The following SLC25A53 variants were observed in gnomAD, a reference collection of about 807,000 sequenced individuals.
The protein encoded by SLC25A53 is solute carrier family 25 member 53.
In SLC25A53, 5 loss-of-function variants were observed where a neutral mutation model predicts 15.0. The observed-to-expected ratio is 0.33, with a 90% CI of 0.17 to 0.70. SLC25A53 has a LOEUF of 0.70. Ranked by LOEUF, SLC25A53 falls within the 30% of genes least tolerant of loss-of-function variation. SLC25A53 has a pLI of 0.67. For synonymous variants in SLC25A53, 95 were observed against 100.0 expected, an observed-to-expected ratio of 0.95 and a Z score of 0.30; for missense variants, 216 against 241.6, an observed-to-expected ratio of 0.89 and a Z score of 0.70.
chrX:104,105,323 C>A, intron 1 of SLC25A53, 35 bp from the exon 2 acceptor site: 1 of 949,913 alleles, frequency 1.1e-6, no homozygotes, highest in Non-Finnish European at 1.4e-6. Context: ...TTAGACTGAC[C>A]AATTAATTCT....
chrX:104,104,210 A>G lies in SLC25A53; in HGVS notation c.*124T>C. On this transcript the variant is annotated 3_prime_UTR_variant, in exon 2 of 2. Coordinates refer to ENST00000594199, the MANE Select transcript of SLC25A53 (RefSeq NM_001012755.5). ...AGGTTGGTAGTTGGGAACTTCTCCC[A>G]TGCAATGAGTTTATAGATGCTAAAG... The G allele has an allele frequency of 1.7e-6, 1 of 601,567 alleles. No homozygotes were observed. Among genetic ancestry groups the G allele is most frequent in the Non-Finnish European group, 2.6e-6 (1 of 386,875 alleles). The allele number at this position is 601,567 out of a possible 1,213,427, so 49.6% of individuals were successfully genotyped here.
chrX:104,110,727 G>A (rs1228301975), intron 1 of SLC25A53, among the ~76,000 whole-genome samples: 2 of 112,176 alleles, frequency 1.8e-5, no homozygotes, highest in African/African-American at 6.5e-5. Flanking sequence ...TTTCCATGGA[G>A]TTGCTCCTTC....
intron 1 of SLC25A53, among the ~76,000 whole-genome samples, chrX:104,153,813 T>C (rs1452545463): frequency 8.9e-6 from 1 of 111,852 alleles, no homozygotes; most frequent in Admixed American, 9.5e-5. Flanking sequence ...TGCTCGACCA[T>C]CCAAAACATA....
At chrX:104,114,412 C>T in intron 1 of SLC25A53, 2 of 1,212,056 alleles carry the variant, frequency 1.7e-6, no homozygotes, top group Non-Finnish European at 2.2e-6. Context: ...CATGCGTTTG[C>T]TTCAGGCGGC....
At chrX:104,134,008 G>A (rs781893375) in intron 1 of SLC25A53, among the ~76,000 whole-genome samples, 4 of 111,631 alleles carry the variant, frequency 3.6e-5, no homozygotes, top group Admixed American at 2.9e-4. Flanking sequence ...TCAACCAATC[G>A]AATCAACTGT....
At chrX:104,150,912 T>C (rs782444953) in intron 1 of SLC25A53, among the ~76,000 whole-genome samples, 3 of 111,558 alleles carry the variant, frequency 2.7e-5, no homozygotes, top group Non-Finnish European at 5.6e-5. Flanking sequence ...CTGGTGGTCT[T>C]GGGCTAGAGG....
In SLC25A53 at chrX:104,104,912, G is replaced by T; in HGVS notation, c.346C>A (p.His116Asn). The change falls in exon 2 of 2, where the codon CAC (histidine) becomes AAC (asparagine). Residue 116 changes from histidine to asparagine, a missense_variant. His to Asn is a moderately conservative substitution (Grantham distance 68). Transcript: ENST00000594199. ...LSPVGPHTLG[H>N]RWAAGLMSGV... ...GACATGAGCCCGGCAGCCCAGCGGT[G>T]TCCCAGGGTGTGTGGCCCAACAGGA... 1 of 1,211,792 alleles carries T rather than the reference G, an allele frequency of 8.3e-7. No individual in the cohort carries two copies. The highest frequency in any genetic ancestry group is 1.1e-6 in the Non-Finnish European group (1 of 895,556).
rs2075274262 is a variant in SLC25A53, at chrX:104,100,099, T to C, written c.*4235A>G. The C allele has an allele frequency of 8.9e-6, 1 of 112,117 alleles. No homozygotes were observed. The highest frequency in any genetic ancestry group is 1.9e-5 in the Non-Finnish European group (1 of 53,256). The allele number at this position is 112,117 out of a possible 1,213,427, so 9.2% of individuals were successfully genotyped here. On this transcript the variant is annotated 3_prime_UTR_variant, in exon 2 of 2. Transcript: ENST00000594199. ...CGTCATTTTATTAACTTTAATATAC[T>C]ACACTATATATAGTTATCCCAGTAA... is the stretch of plus-strand genomic sequence containing the variant.
intron 1 of SLC25A53, among the ~76,000 whole-genome samples, chrX:104,146,182 C>T (rs1416896999): frequency 8.9e-6 from 1 of 112,113 alleles, no homozygotes; most frequent in Non-Finnish European, 1.9e-5. Context: ...TAACCCATCA[C>T]ATGAACAGAA....
intron 1 of SLC25A53, among the ~76,000 whole-genome samples, chrX:104,123,868 C>G (rs1556363613): frequency 9.0e-6 from 1 of 110,885 alleles, no homozygotes; most frequent in East Asian, 2.8e-4. Context: ...CAGCTTCATC[C>G]ATGTCCCTGC....
chrX:104,148,209 T>C (rs1556369554), intron 1 of SLC25A53, among the ~76,000 whole-genome samples: 1 of 106,070 alleles, frequency 9.4e-6, no homozygotes, highest in Non-Finnish European at 1.9e-5. Context: ...GGACAAAAAA[T>C]CAAACACCGC....
In SLC25A53 at chrX:104,104,414, C is replaced by T. The variant is rs782091366; in HGVS notation, c.844G>A (p.Val282Met). ...ATTGCCGTAGTGAGGCCCCATGTCACACTGGACCTTAGGATGACTAGGGAG... is the reference window on the plus strand; with the variant it reads ...ATTGCCGTAGTGAGGCCCCATGTCATACTGGACCTTAGGATGACTAGGGAG... The part of the protein sequence containing the change: ...GGSLVILRSS[V>M]TWGLTTAIHD... The change falls in exon 2 of 2, where the codon GTG becomes ATG. Residue 282 changes from valine (V) to methionine (M), a missense_variant. By Grantham distance (21) the Val-to-Met change is conservative. Coordinates refer to ENST00000594199, the MANE Select transcript of SLC25A53 (RefSeq NM_001012755.5). 8.3e-7 allele frequency: 1 copy of T among 1,211,892 alleles called. No homozygotes were observed. Among genetic ancestry groups the T allele is most frequent in the African/African-American group, 1.7e-5 (1 of 57,870 alleles).
chrX:104,126,054 C>G (rs1556364222), intron 1 of SLC25A53, among the ~76,000 whole-genome samples: 1 of 111,837 alleles, frequency 8.9e-6, no homozygotes, highest in Non-Finnish European at 1.9e-5. Context: ...TGCCTGTAAT[C>G]CCAGCACTTT....
intron 1 of SLC25A53, among the ~76,000 whole-genome samples, chrX:104,152,307 T>C (rs1372616776): frequency 1.0e-5 from 1 of 100,448 alleles, no homozygotes; most frequent in Non-Finnish European, 2.0e-5. Flanking sequence ...AATTCCCACC[T>C]GTGAGTGAGA....
At chrX:104,145,685 A>T (rs1427597055) in intron 1 of SLC25A53, among the ~76,000 whole-genome samples, 1 of 112,557 alleles carries the variant, frequency 8.9e-6, no homozygotes, top group Admixed American at 9.4e-5. Context: ...AAACACTTCT[A>T]TGCAAATAAA....
intron 1 of SLC25A53, among the ~76,000 whole-genome samples, chrX:104,133,087 C>G (rs1403142113): frequency 8.9e-6 from 1 of 112,306 alleles, no homozygotes; most frequent in East Asian, 2.8e-4. Context: ...AATGTCAATA[C>G]TTTTCAGAGG....
intron 1 of SLC25A53, among the ~76,000 whole-genome samples, chrX:104,108,192 G>A (rs782034658): frequency 1.8e-5 from 2 of 111,739 alleles, no homozygotes; most frequent in African/African-American, 6.5e-5. Flanking sequence ...TTTGGAAAGG[G>A]CAGACAGACC....
chrX:104,127,008 C>T lies in SLC25A53; in HGVS notation c.-31-21720G>A, dbSNP rs1365964432. On this transcript the variant is annotated intron_variant, in intron 1 of 1. Coordinates refer to ENST00000594199, the MANE Select transcript of SLC25A53 (RefSeq NM_001012755.5). ...TGCAAGTGCATTCCTGGGCATTTATCCCAGAGAAATGAAAACTTATAGTCA... is the reference window on the plus strand; with the variant it reads ...TGCAAGTGCATTCCTGGGCATTTATTCCAGAGAAATGAAAACTTATAGTCA... Among the ~76,000 whole-genome samples the T allele has an allele frequency of 2.7e-5, 3 of 112,246 alleles. No homozygotes were observed. The Admixed American group carries it at 2.8e-4, about 11-fold the overall frequency.
intron 1 of SLC25A53, among the ~76,000 whole-genome samples, chrX:104,156,086 A>G (rs1024787090): frequency 2.6e-4 from 28 of 109,494 alleles, no homozygotes; most frequent in African/African-American, 9.3e-4. Flanking sequence ...AAGAAAGAAA[A>G]AAAAAAAGAA....
Sources: gnomAD v4.1 joint callset for allele counts (sites outside exome capture counted in the v4.1 genomes callset) on GRCh38, gnomAD v4.1.1 for gene constraint, MANE v1.5 for transcripts, NCBI Gene and HGNC (gene_info 2026-07-23, HGNC 2026-07-21) for gene names.